ROR2: variants seen among roughly 807,000 people sequenced by gnomAD.
ROR2 encodes the protein ROR family WNT receptor 2.
A neutral mutation model predicts 74.9 loss-of-function variants in ROR2; 33 were observed. The observed-to-expected ratio is 0.44, with a 90% confidence interval of 0.33 to 0.59. The LOEUF (loss-of-function observed/expected upper bound fraction) is 0.59, where lower values mean the gene tolerates loss of function less well. Ranked by LOEUF, ROR2 falls within the 20% of genes least tolerant of loss-of-function variation. The pLI is 0.02. For synonymous variants in ROR2, 586 were observed against 558.7 expected (o/e 1.05, Z -0.69); for missense variants, 1,216 against 1,313.8 (o/e 0.93, Z 1.15).
At chr9:91,884,632 G>A (rs1015024254) in intron 1 of ROR2, among the ~76,000 whole-genome samples, 4 of 151,994 alleles carry the variant, frequency 2.6e-5, no homozygotes, top group South Asian at 2.1e-4. Context: ...CTGATCTGAC[G>A]ATATCTGACA....
At chr9:91,917,005 G>A (rs1831153812) in intron 1 of ROR2, among the ~76,000 whole-genome samples, 1 of 152,016 alleles carries the variant, frequency 6.6e-6, no homozygotes, top group Admixed American at 6.6e-5. Context: ...CTCCTTCCCA[G>A]CAGCTCCAAA....
Position 91,724,428 on chromosome 9 carries a change from C to T in ROR2, c.2066G>A (p.Gly689Asp). ...GVVLWEVFSY[G>D]LQPYCGYSNQ... ...GGAGTACCCGCAGTAGGGCTGCAGGCCGTAGCTGAAGACCTCCCACAGGAC... is the reference window on the plus strand; with the variant it reads ...GGAGTACCCGCAGTAGGGCTGCAGGTCGTAGCTGAAGACCTCCCACAGGAC... The change falls in exon 9 of 9, where the codon GGC becomes GAC. Residue 689 changes from glycine (G) to aspartate (D), a missense_variant. Gly to Asp is a moderately conservative substitution (Grantham distance 94, BLOSUM62 -1). Coordinates refer to ENST00000375708, the MANE Select transcript of ROR2 (RefSeq NM_004560.4). 1.2e-6 allele frequency: 2 copies of T among 1,614,162 alleles called. No homozygotes were observed. The highest frequency in any genetic ancestry group is 1.7e-6 in the Non-Finnish European group (2 of 1,180,018).
intron 1 of ROR2, among the ~76,000 whole-genome samples, chr9:91,914,550 G>A (rs901409960): frequency 1.3e-5 from 2 of 152,130 alleles, no homozygotes; most frequent in South Asian, 2.1e-4. Context: ...TCCTCCTGCC[G>A]GTCACCTTGT....
chr9:91,823,066 T>C (rs1166563557), intron 1 of ROR2, among the ~76,000 whole-genome samples: 2 of 152,176 alleles, frequency 1.3e-5, no homozygotes, highest in African/African-American at 2.4e-5. Context: ...GGAAGGGCTA[T>C]TTTAGATTAA....
At chr9:91,880,196 G>T (rs1830069494) in intron 1 of ROR2, among the ~76,000 whole-genome samples, 1 of 152,106 alleles carries the variant, frequency 6.6e-6, no homozygotes, top group Non-Finnish European at 1.5e-5. Flanking sequence ...ACAGTAGGAT[G>T]ACCATGTGAA....
intron 1 of ROR2, among the ~76,000 whole-genome samples, chr9:91,832,842 A>G (rs1828502544): frequency 6.6e-6 from 1 of 152,252 alleles, no homozygotes; most frequent in Non-Finnish European, 1.5e-5. Flanking sequence ...AACAGCAACT[A>G]GAAATACAAC....
At chr9:91,815,729 G>A (rs1350817791) in intron 1 of ROR2, among the ~76,000 whole-genome samples, 6 of 152,214 alleles carry the variant, frequency 3.9e-5, no homozygotes, top group Admixed American at 3.3e-4. Flanking sequence ...CCATTTCACA[G>A]GATGCCAAAC....
At chr9:91,940,586 G>A (rs574666563) in intron 1 of ROR2, among the ~76,000 whole-genome samples, 1 of 149,008 alleles carries the variant, frequency 6.7e-6, no homozygotes, top group South Asian at 2.1e-4. Context: ...AAATCATAAC[G>A]TGCAATTCTT....
At chr9:91,810,542 T>C (rs1420871396) in intron 1 of ROR2, among the ~76,000 whole-genome samples, 1 of 152,186 alleles carries the variant, frequency 6.6e-6, no homozygotes, top group Non-Finnish European at 1.5e-5. Context: ...GCACTTCAGC[T>C]GCAAGCAGGG....
At chr9:91,824,899 G>C (rs747344505) in intron 1 of ROR2, among the ~76,000 whole-genome samples, 1 of 152,172 alleles carries the variant, frequency 6.6e-6, no homozygotes, top group Non-Finnish European at 1.5e-5. Context: ...ACAAAACAGG[G>C]CCCCCTTAAC....
chr9:91,788,796 G>A (rs568320007), intron 1 of ROR2, among the ~76,000 whole-genome samples: 4 of 151,648 alleles, frequency 2.6e-5, no homozygotes, highest in Admixed American at 6.6e-5. Flanking sequence ...CCTGGGAGGC[G>A]GAGGTTGCAG....
intron 4 of ROR2, among the ~76,000 whole-genome samples, chr9:91,744,804 G>T (rs906824020): frequency 6.6e-6 from 1 of 152,180 alleles, no homozygotes; most frequent in Admixed American, 6.5e-5. Context: ...TGGCTCTGAG[G>T]GTGCCAGTTC....
chr9:91,898,972 C>T (rs975030514), intron 1 of ROR2, among the ~76,000 whole-genome samples: 1 of 152,204 alleles, frequency 6.6e-6, no homozygotes, highest in African/African-American at 2.4e-5. Flanking sequence ...GGTCTTCACT[C>T]TGATACTGTT....
At chr9:91,766,499 G>C (rs961810509) in intron 2 of ROR2, among the ~76,000 whole-genome samples, 1 of 152,196 alleles carries the variant, frequency 6.6e-6, no homozygotes. Flanking sequence ...GCTGCCAAAT[G>C]AGTCTGGTCC....
chr9:91,832,782 T>C (rs2119190025), intron 1 of ROR2, among the ~76,000 whole-genome samples: 1 of 152,284 alleles, frequency 6.6e-6, no homozygotes, highest in East Asian at 1.9e-4. Context: ...GTTTCTCTAG[T>C]TGGACCCTGA....
chr9:91,856,969 C>T (rs572820120), intron 1 of ROR2, among the ~76,000 whole-genome samples: 2 of 152,356 alleles, frequency 1.3e-5, no homozygotes, highest in South Asian at 4.1e-4. Flanking sequence ...GGTCACCCTA[C>T]TACTGGTAAG....
chr9:91,816,460 A>G (rs955138371), intron 1 of ROR2, among the ~76,000 whole-genome samples: 11 of 151,560 alleles, frequency 7.3e-5, no homozygotes, highest in Non-Finnish European at 1.6e-4. Flanking sequence ...CAGATCACCC[A>G]CGCTCTTTCT....
intron 1 of ROR2, among the ~76,000 whole-genome samples, chr9:91,845,149 C>G (rs980692202): frequency 1.3e-5 from 2 of 152,088 alleles, no homozygotes; most frequent in African/African-American, 4.8e-5. Context: ...GCCCTCTGTC[C>G]AGCGACTCAA....
At chr9:91,827,019 T>C (rs1039057326) in intron 1 of ROR2, among the ~76,000 whole-genome samples, 1 of 152,172 alleles carries the variant, frequency 6.6e-6, no homozygotes, top group Non-Finnish European at 1.5e-5. Flanking sequence ...TATTAAAGCA[T>C]TGACGCATGG....
Sources: gnomAD v4.1 joint callset for allele counts (sites outside exome capture counted in the v4.1 genomes callset) on GRCh38, gnomAD v4.1.1 for gene constraint, MANE v1.5 for transcripts, NCBI Gene and HGNC (gene_info 2026-07-23, HGNC 2026-07-21) for gene names.